SDK1: variants seen among roughly 807,000 people sequenced by gnomAD.
The protein encoded by SDK1 is protein sidekick-1.
In SDK1, 157 loss-of-function variants were observed where a neutral mutation model predicts 245.5. The observed-to-expected ratio is 0.64, with a 90% CI of 0.56 to 0.73. The LOEUF (loss-of-function observed/expected upper bound fraction) is 0.73. Among genes scored for constraint, SDK1 ranks in the 30% least tolerant of loss-of-function variants. The probability of loss-of-function intolerance (pLI) is 0.00; values close to 1 mark genes in which losing one functional copy is unlikely to be tolerated. For missense variants in SDK1, 3,583 were observed against 3,002.3 expected (o/e 1.19, Z -4.52); for synonymous variants, 1,647 against 1,278.5 (o/e 1.29, Z -6.15).
At chr7:3,555,628 C>A (rs930676925) in intron 1 of SDK1, among the ~76,000 whole-genome samples, 2 of 151,994 alleles carry the variant, frequency 1.3e-5, no homozygotes, top group African/African-American at 4.8e-5. Flanking sequence ...ATCAACAAAG[C>A]AAAGAGACAA....
Position 3,365,870 on chromosome 7 carries a change from C to T in SDK1, c.298+63986C>T, listed in dbSNP as rs563294690. On this transcript the variant is annotated intron_variant, in intron 1 of 44. Transcript: ENST00000404826. Reference sequence around the variant, plus strand: ...TGGCCAACATGGTGAAACTCTGTCTCTACTAAAAATACAAAAAAATTAGCT... The same window carrying T: ...TGGCCAACATGGTGAAACTCTGTCTTTACTAAAAATACAAAAAAATTAGCT... Among the ~76,000 whole-genome samples the T allele has an allele frequency of 1.1e-3, 166 of 152,078 alleles. 1 individual carries two copies. The highest frequency in any genetic ancestry group is 8.9e-3 in the South Asian group (43 of 4,820).
At chr7:3,614,733 C>G (rs560388523) in intron 1 of SDK1, among the ~76,000 whole-genome samples, 1 of 152,290 alleles carries the variant, frequency 6.6e-6, no homozygotes, top group African/African-American at 2.4e-5. Context: ...CTTGGCTAAT[C>G]TATGTCAAAA....
intron 5 of SDK1, among the ~76,000 whole-genome samples, chr7:3,883,839 A>G (rs1218630669): frequency 1.3e-5 from 2 of 151,692 alleles, no homozygotes; most frequent in Non-Finnish European, 2.9e-5. Flanking sequence ...TGGTATCTTA[A>G]TTTTTCTGTC....
chr7:3,907,186 A>G (rs1036374725), intron 5 of SDK1, among the ~76,000 whole-genome samples: 9 of 152,176 alleles, frequency 5.9e-5, no homozygotes, highest in Admixed American at 2.6e-4. Flanking sequence ...GCAACTTAGT[A>G]GCATTAATTA....
chr7:3,494,572 AT>A (rs1312750596), intron 1 of SDK1, among the ~76,000 whole-genome samples: 1 of 152,240 alleles, frequency 6.6e-6, no homozygotes, highest in Non-Finnish European at 1.5e-5. Context: ...GAATTAGCTC[AT>A]TAACATATTC....
chr7:3,350,188 A>C (rs1780621033), intron 1 of SDK1, among the ~76,000 whole-genome samples: 2 of 152,174 alleles, frequency 1.3e-5, no homozygotes, highest in Non-Finnish European at 2.9e-5. Context: ...AGTGGGAGAC[A>C]CTCAGTCTAT....
At chr7:3,467,934 C>T (rs1303864843) in intron 1 of SDK1, among the ~76,000 whole-genome samples, 2 of 151,112 alleles carry the variant, frequency 1.3e-5, no homozygotes, top group African/African-American at 2.4e-5. Flanking sequence ...GGTTTTCTGG[C>T]TTTCTAATTA....
At position 4,067,885 on chromosome 7, in the gene SDK1, T is replaced by A; in HGVS notation, c.2959T>A (p.Ser987Thr). 6.2e-7 allele frequency: 1 copy of A among 1,613,472 alleles called. No homozygotes were observed. Among genetic ancestry groups the A allele is most frequent in the Non-Finnish European group, 8.5e-7 (1 of 1,179,802 alleles). ...HLSFTEILDT[S>T]LKVSWQEPLE... ...GAGTTTCACAGAGATCTTGGACACA[T>A]CTCTCAAGGTCAGCTGGCAGGAGCC... Residue 987 changes from serine (S) to threonine (T), a missense_variant, in exon 20 of 45, where the codon TCT becomes ACT. Transcript: ENST00000404826.
rs777645387 is a variant in SDK1 at position 4,049,397 on chromosome 7, C to A, written c.2652C>A (p.Thr884=). The A allele has an allele frequency of 4.3e-6, 7 of 1,614,184 alleles. No individual in the cohort carries two copies. The highest frequency in any genetic ancestry group is 5.9e-6 in the Non-Finnish European group (7 of 1,180,040). ...QNVQTEAVNS[T]TIQFLWNPPP... Reference sequence around the variant, plus strand: ...TGCAGACGGAAGCCGTGAACTCCACCACCATTCAGTTCCTGTGGAACCCTC... The same window carrying A: ...TGCAGACGGAAGCCGTGAACTCCACAACCATTCAGTTCCTGTGGAACCCTC... Residue 884 remains threonine, a synonymous_variant, in exon 18 of 45, where the codon ACC becomes ACA. Coordinates refer to ENST00000404826, the MANE Select transcript of SDK1 (RefSeq NM_152744.4).
At chr7:4,233,651 G>A (rs1785951793) in intron 41 of SDK1, among the ~76,000 whole-genome samples, 1 of 152,176 alleles carries the variant, frequency 6.6e-6, no homozygotes, top group African/African-American at 2.4e-5. Context: ...ATGAAGTCAA[G>A]CGGGACGAAA....
intron 5 of SDK1, among the ~76,000 whole-genome samples, chr7:3,919,125 T>C (rs1226846387): frequency 6.6e-6 from 1 of 152,230 alleles, no homozygotes; most frequent in African/African-American, 2.4e-5. Flanking sequence ...CTATCTCAGC[T>C]GCTTCATCTC....
intron 20 of SDK1, 41 bp downstream of exon 20, chr7:4,067,977 G>T: frequency 6.9e-7 from 1 of 1,455,788 alleles, no homozygotes; most frequent in Non-Finnish European, 9.5e-7. Context: ...AGATAAGTTT[G>T]TCCTCACAAA....
chr7:4,161,919 CCACAA>C, intron 32 of SDK1, 63 bp downstream of exon 32: 6 of 1,427,304 alleles, frequency 4.2e-6, no homozygotes, highest in Non-Finnish European at 5.9e-6. Context: ...GCGCATTCAG[CCACAA>C]CGGCTGACAT....
In SDK1 at chr7:4,114,277, G is replaced by A. The variant is rs1289059685; in HGVS notation, c.3823+3G>A. ...GCGGGGCCGGACGCGGGAGTCAGGT[G>A]AGGGGAAGGCGATTCCCATCCTGGA... On this transcript the variant is annotated splice_donor_region_variant and intron_variant, in intron 25 of 44. Transcript: ENST00000404826. The A allele has an allele frequency of 6.3e-7, 1 of 1,592,004 alleles. No homozygotes were observed.
chr7:3,770,192 A>G (rs1289480544), intron 4 of SDK1, among the ~76,000 whole-genome samples: 1 of 152,166 alleles, frequency 6.6e-6, no homozygotes, highest in African/African-American at 2.4e-5. Flanking sequence ...TTTCAAGAAT[A>G]TTCTCTAAAT....
chr7:3,736,479 A>G (rs1408716371), intron 4 of SDK1, among the ~76,000 whole-genome samples: 2 of 152,024 alleles, frequency 1.3e-5, no homozygotes, highest in African/African-American at 4.8e-5. Flanking sequence ...TCACCGTGTT[A>G]GCCAGGATGG....
chr7:4,049,249 T>C (rs1194485892), intron 17 of SDK1, 99 bp from the exon 18 acceptor site: 3 of 822,632 alleles, frequency 3.6e-6, no homozygotes, highest in Admixed American at 4.1e-5. Context: ...AATAATTGCC[T>C]GTGAGCATGA....
intron 42 of SDK1, 148 bp from the exon 43 acceptor site, chr7:4,241,645 C>T: frequency 2.3e-6 from 2 of 880,284 alleles, no homozygotes; most frequent in Non-Finnish European, 3.5e-6. Context: ...CCAGCTCAGC[C>T]CTAAGCACAG....
chr7:3,499,759 G>C (rs879492686), intron 1 of SDK1, among the ~76,000 whole-genome samples: 2 of 152,144 alleles, frequency 1.3e-5, no homozygotes, highest in African/African-American at 2.4e-5. Flanking sequence ...GTTTACCAAA[G>C]CCCCTTCTGT....
Sources: allele counts gnomAD v4.1 joint callset (sites outside exome capture counted in the v4.1 genomes callset), GRCh38; gene constraint gnomAD v4.1.1; transcripts MANE v1.5; gene names NCBI Gene and HGNC (gene_info 2026-07-23, HGNC 2026-07-21).